The following OSTN variants were observed in gnomAD, a reference collection of about 807,000 sequenced individuals.
The protein encoded by OSTN is osteocrin.
Under a neutral mutation model 12.0 loss-of-function variants are expected in OSTN, and 9 were observed. The observed-to-expected ratio is 0.75, with a 90% CI of 0.45 to 1.30. OSTN has a LOEUF of 1.30. Ranked by LOEUF, OSTN falls within the 50% of genes most tolerant of loss-of-function variation. OSTN has a pLI of 0.00. For synonymous variants in OSTN, 59 were observed against 56.9 expected, an observed-to-expected ratio of 1.04 and a Z score of -0.16; for missense variants, 148 against 152.3, an observed-to-expected ratio of 0.97 and a Z score of 0.15.
At chr3:191,204,621 G>C (rs927537436) in intron 1 of OSTN, among the ~76,000 whole-genome samples, 11 of 152,334 alleles carry the variant, frequency 7.2e-5, no homozygotes, top group Non-Finnish European at 1.5e-4. Flanking sequence ...GCAATGGCTG[G>C]AGGTCCCAAT....
chr3:191,226,273 C>T (rs954259515), intron 3 of OSTN, among the ~76,000 whole-genome samples: 4 of 151,848 alleles, frequency 2.6e-5, no homozygotes, highest in Non-Finnish European at 5.9e-5. Flanking sequence ...ATTAATACAA[C>T]AATAGATAAA....
intron 3 of OSTN, among the ~76,000 whole-genome samples, chr3:191,226,094 C>A (rs1240860725): frequency 1.3e-5 from 2 of 152,002 alleles, no homozygotes; most frequent in Admixed American, 1.3e-4. Flanking sequence ...AAACAGGAAG[C>A]ATTAGACTTA....
At chr3:191,244,079 G>A (rs867202146) in intron 3 of OSTN, among the ~76,000 whole-genome samples, 1 of 152,098 alleles carries the variant, frequency 6.6e-6, no homozygotes, top group African/African-American at 2.4e-5. Context: ...CTGGGAATAG[G>A]GCTGTTCATT....
chr3:191,217,885 G>A (rs1020182959), intron 2 of OSTN, among the ~76,000 whole-genome samples: 1 of 151,794 alleles, frequency 6.6e-6, no homozygotes, highest in Non-Finnish European at 1.5e-5. Context: ...GCTTGAGTTA[G>A]TAAATGATGA....
intron 3 of OSTN, among the ~76,000 whole-genome samples, chr3:191,242,665 C>T (rs973957557): frequency 5.3e-5 from 8 of 151,956 alleles, no homozygotes; most frequent in African/African-American, 1.9e-4. Context: ...AGTAGCTGGT[C>T]GTACAGATAT....
At chr3:191,261,703 A>G (rs754300130) in intron 4 of OSTN, among the ~76,000 whole-genome samples, 12 of 152,228 alleles carry the variant, frequency 7.9e-5, no homozygotes, top group Admixed American at 2.0e-4. Flanking sequence ...TTCTTCCCTG[A>G]TACGTATTTT....
intron 4 of OSTN, among the ~76,000 whole-genome samples, chr3:191,251,374 T>C (rs1447342402): frequency 6.6e-6 from 1 of 152,208 alleles, no homozygotes; most frequent in Non-Finnish European, 1.5e-5. Flanking sequence ...AGAAGGTGCA[T>C]GCCCGCTCCC....
At position 191,262,993 on chromosome 3, in the gene OSTN, A is replaced by G; in HGVS notation, c.*140A>G. The G allele has an allele frequency of 1.5e-6, 1 of 657,590 alleles. No individual in the cohort carries two copies. Among genetic ancestry groups the G allele is most frequent in the Non-Finnish European group, 2.8e-6 (1 of 357,252 alleles). 40.7% of individuals were successfully genotyped at this position (657,590 alleles called of 1,614,324 possible). On this transcript the variant is annotated 3_prime_UTR_variant, in exon 5 of 5. Transcript: ENST00000682035. The stretch of plus-strand genomic sequence containing the variant: ...AAATCCTTTCCAAAGCTTGAACTTC[A>G]GTCCATCACATTACAGCATTGTTAC...
At chr3:191,256,892 A>G (rs1715682844) in intron 4 of OSTN, among the ~76,000 whole-genome samples, 1 of 152,138 alleles carries the variant, frequency 6.6e-6, no homozygotes, top group African/African-American at 2.4e-5. Flanking sequence ...CACTTTAACA[A>G]AAACCAAGGT....
chr3:191,223,864 C>T (rs1714838382), intron 3 of OSTN, among the ~76,000 whole-genome samples: 1 of 151,962 alleles, frequency 6.6e-6, no homozygotes, highest in African/African-American at 2.4e-5. Flanking sequence ...ATGGCTATAA[C>T]TTGCCTATTA....
At chr3:191,235,381 G>T (rs1210600946) in intron 3 of OSTN, among the ~76,000 whole-genome samples, 2 of 152,150 alleles carry the variant, frequency 1.3e-5, no homozygotes. Context: ...CTTGTGGCCA[G>T]TTTATATTCA....
chr3:191,235,045 A>G (rs960116534), intron 3 of OSTN, among the ~76,000 whole-genome samples: 2 of 152,184 alleles, frequency 1.3e-5, no homozygotes, highest in Non-Finnish European at 2.9e-5. Flanking sequence ...GAATATTGTT[A>G]TTATACCACC....
At chr3:191,207,616 AAAT>A (rs774232411) in intron 1 of OSTN, among the ~76,000 whole-genome samples, 7 of 152,276 alleles carry the variant, frequency 4.6e-5, no homozygotes, top group Admixed American at 3.3e-4. Context: ...TTCACAATAA[AAAT>A]AGCTCATTGC....
intron 3 of OSTN, among the ~76,000 whole-genome samples, chr3:191,245,986 G>A (rs1715420639): frequency 7.2e-6 from 1 of 138,334 alleles, no homozygotes; most frequent in South Asian, 2.4e-4. Flanking sequence ...AGAATTGCTT[G>A]AACCCGGGAG....
Position 191,252,349 on chromosome 3 carries a change from G to C in OSTN, c.*12+2216G>C, listed in dbSNP as rs199995897. On this transcript the variant is annotated intron_variant, in intron 4 of 4. Transcript: ENST00000682035. Reference sequence around the variant, plus strand: ...CAAAGTGCTGGGATTACAGGAGTGAGCCACTGGGCTCAGCCTTGAATTTTT... The same window carrying C: ...CAAAGTGCTGGGATTACAGGAGTGACCCACTGGGCTCAGCCTTGAATTTTT... Among the ~76,000 whole-genome samples, 28 of 152,326 alleles carry C rather than the reference G, an allele frequency of 1.8e-4. 1 individual carries two copies. The East Asian group carries it at 5.4e-3, about 29-fold the overall frequency.
intron 4 of OSTN, among the ~76,000 whole-genome samples, chr3:191,252,461 G>A (rs1214156312): frequency 6.6e-6 from 1 of 152,086 alleles, no homozygotes; most frequent in African/African-American, 2.4e-5. Flanking sequence ...AATCACTGTT[G>A]GGTGAAATCC....
At chr3:191,255,450 C>T (rs1715650157) in intron 4 of OSTN, among the ~76,000 whole-genome samples, 1 of 152,178 alleles carries the variant, frequency 6.6e-6, no homozygotes, top group Non-Finnish European at 1.5e-5. Flanking sequence ...AAACTCAATT[C>T]CTCAAAGTAG....
At chr3:191,262,643 C>A (rs6773375) in intron 4 of OSTN, among the ~76,000 whole-genome samples, 70,326 of 152,060 alleles carry the variant, frequency 0.46, 17,254 homozygotes, top group Non-Finnish European at 0.54. Context: ...CTTGAGCATA[C>A]GCACCTAGCT....
At chr3:191,243,606 T>C (rs942110361) in intron 3 of OSTN, among the ~76,000 whole-genome samples, 17 of 152,126 alleles carry the variant, frequency 1.1e-4, no homozygotes, top group African/African-American at 4.1e-4. Flanking sequence ...ATTTAGGGTG[T>C]ACAGTATGTT....
Sources: allele counts gnomAD v4.1 joint callset (sites outside exome capture counted in the v4.1 genomes callset), GRCh38; gene constraint gnomAD v4.1.1; transcripts MANE v1.5; gene names NCBI Gene and HGNC (gene_info 2026-07-23, HGNC 2026-07-21).